Variants in DESI1 observed in about 807,000 individuals in gnomAD.
DESI1 encodes PPPDE peptidase domain containing 2.
A neutral mutation model predicts 22.4 loss-of-function variants in DESI1; 17 were observed. The observed-to-expected ratio is 0.76, with a 90% confidence interval of 0.52 to 1.14. The LOEUF (loss-of-function observed/expected upper bound fraction) is 1.14. DESI1 is among the 50% of genes most tolerant of loss of function. The pLI, the probability that DESI1 is intolerant of heterozygous loss-of-function variation, is 0.00. For missense variants in DESI1, 177 were observed against 208.9 expected (o/e 0.85, Z 0.94); for synonymous variants, 92 against 84.2 (o/e 1.09, Z -0.51).
intron 1 of DESI1, among the ~76,000 whole-genome samples, chr22:41,616,939 T>C (rs2067554780): frequency 6.6e-6 from 1 of 152,184 alleles, no homozygotes; most frequent in Non-Finnish European, 1.5e-5. Flanking sequence ...AGAACTGACA[T>C]AACTGAAGCC....
intron 1 of DESI1, among the ~76,000 whole-genome samples, chr22:41,619,388 C>T (rs1449858413): frequency 1.3e-5 from 2 of 152,124 alleles, no homozygotes; most frequent in African/African-American, 2.4e-5. Context: ...AGGTAAGAAA[C>T]AGTTTACAGC....
chr22:41,602,854 A>C, intron 5 of DESI1: 1 of 1,034,452 alleles, frequency 9.7e-7, no homozygotes, highest in Non-Finnish European at 1.2e-6. Context: ...AGTGTAAGGC[A>C]AATCAACAGC....
Position 41,604,104 on chromosome 22 carries a change from G to A in DESI1, c.230C>T (p.Thr77Ile). ...CAGAAAGATTTCTTCTGTGACTTCT[G>A]TACTCCCCACATCAACCACAGAGTC... ...PPDSVVDVGS[T>I]EVTEEIFLEY... The change falls in exon 4 of 6, where the codon ACA (threonine) becomes ATA (isoleucine). Residue 77 changes from threonine to isoleucine, a missense_variant. Thr to Ile is a moderately conservative substitution (Grantham distance 89). Coordinates refer to ENST00000263256, the MANE Select transcript of DESI1 (RefSeq NM_015704.3). The A allele has an allele frequency of 6.2e-7, 1 of 1,613,914 alleles. No homozygotes were observed.
intron 1 of DESI1, among the ~76,000 whole-genome samples, chr22:41,620,441 G>A (rs1265218646): frequency 6.6e-6 from 1 of 152,120 alleles, no homozygotes; most frequent in Non-Finnish European, 1.5e-5. Context: ...GGGATCCAGC[G>A]CTGGTTTACC....
intron 3 of DESI1, among the ~76,000 whole-genome samples, chr22:41,606,773 CAAAAAAAAAAAAAA>C (rs67262006): frequency 1.9e-4 from 12 of 62,728 alleles, no homozygotes; most frequent in Non-Finnish European, 2.6e-4. Context: ...GACTCCATCT[CAAAAAAAAAAAAAA>C]AAAAAAAAAA....
At chr22:41,615,381 C>T (rs560955535) in intron 1 of DESI1, among the ~76,000 whole-genome samples, 10 of 150,776 alleles carry the variant, frequency 6.6e-5, no homozygotes, top group South Asian at 2.1e-4. Context: ...GGGAGGCACG[C>T]GCCACTGCAC....
chr22:41,609,948 T>C (rs780678456), intron 1 of DESI1, among the ~76,000 whole-genome samples: 4 of 148,940 alleles, frequency 2.7e-5, no homozygotes, highest in African/African-American at 5.0e-5. Context: ...GGCATGGTAG[T>C]GCATGCCTAT....
At chr22:41,607,427 T>A (rs1407266297) in intron 2 of DESI1, 96 bp from the exon 3 acceptor site, 5 of 1,245,986 alleles carry the variant, frequency 4.0e-6, no homozygotes, top group Non-Finnish European at 5.5e-6. Context: ...TGCCCAAGGA[T>A]AGGACTGTGG....
At chr22:41,615,380 G>A (rs1260955669) in intron 1 of DESI1, among the ~76,000 whole-genome samples, 4 of 150,120 alleles carry the variant, frequency 2.7e-5, no homozygotes, top group East Asian at 2.0e-4. Context: ...TGGGAGGCAC[G>A]CGCCACTGCA....
chr22:41,620,702 C>A, intron 1 of DESI1, 50 bp downstream of exon 1: 1 of 1,556,148 alleles, frequency 6.4e-7, no homozygotes, highest in Non-Finnish European at 8.7e-7. Context: ...CAGCCGCCAC[C>A]CTCTGGCCTG....
chr22:41,604,229 A>C, intron 3 of DESI1, 76 bp from the exon 4 acceptor site: 1 of 1,038,866 alleles, frequency 9.6e-7, no homozygotes. Context: ...CCCACAGTAG[A>C]CCACAAACAC....
At chr22:41,603,410 T>A in intron 4 of DESI1, 29 bp from the exon 5 acceptor site, 1 of 1,613,958 alleles carries the variant, frequency 6.2e-7, no homozygotes, top group Non-Finnish European at 8.5e-7. Context: ...GCAGAACATA[T>A]ATGAGAAACC....
rs951664204 is a variant in DESI1, at chr22:41,599,559, T to A, written c.*1538A>T. 4 of 152,108 alleles carry A rather than the reference T, an allele frequency of 2.6e-5. No individual in the cohort carries two copies. The highest frequency in any genetic ancestry group is 9.7e-5 in the African/African-American group (4 of 41,440). The allele number at this position is 152,108 out of a possible 1,614,324, so 9.4% of individuals were successfully genotyped here. Reference sequence around the variant, plus strand: ...AATTTTCTTGCCACCTTGATTCCACTTCATTATTTTATTTTTTTGAGATGG... The same window carrying A: ...AATTTTCTTGCCACCTTGATTCCACATCATTATTTTATTTTTTTGAGATGG... On this transcript the variant is annotated 3_prime_UTR_variant, in exon 6 of 6. Transcript: ENST00000263256.
intron 5 of DESI1, 32 bp from the exon 6 acceptor site, chr22:41,601,222 G>A (rs764669091): frequency 1.1e-5 from 17 of 1,574,196 alleles, no homozygotes; most frequent in Non-Finnish European, 1.4e-5. Flanking sequence ...AGAGGGGTGG[G>A]CTCTGGGATG....
Position 41,603,365 on chromosome 22 carries a change from GGTT to G in DESI1, c.304_306del (p.Asn102del). On this transcript the variant is annotated inframe_deletion, in exon 5 of 6. Coordinates refer to ENST00000263256, the MANE Select transcript of DESI1 (RefSeq NM_015704.3). ...AAGGTGTTACAATTGTGTTCAAAGA[GGTT>G]GTAGGCCTCACCTCTGTACATTGAA... is the stretch of plus-strand genomic sequence containing the variant. 6.2e-7 allele frequency: 1 copy of G among 1,614,194 alleles called. No individual in the cohort carries two copies. The highest frequency in any genetic ancestry group is 1.1e-5 in the South Asian group (1 of 91,078).
intron 1 of DESI1, among the ~76,000 whole-genome samples, chr22:41,615,985 G>T (rs1051687110): frequency 1.8e-4 from 28 of 152,214 alleles, no homozygotes; most frequent in Non-Finnish European, 5.9e-5. Context: ...TGGGAGGGGG[G>T]TTTGTTCAGC....
intron 1 of DESI1, among the ~76,000 whole-genome samples, chr22:41,620,338 G>A (rs1312471460): frequency 6.6e-6 from 1 of 152,074 alleles, no homozygotes; most frequent in Non-Finnish European, 1.5e-5. Context: ...GTCACCACGA[G>A]GGGCACCGCG....
At chr22:41,611,596 T>C (rs1010508338) in intron 1 of DESI1, among the ~76,000 whole-genome samples, 10 of 145,600 alleles carry the variant, frequency 6.9e-5, no homozygotes, top group African/African-American at 2.5e-4. Context: ...TCCTTCTTTT[T>C]TTTTTTTTTT....
intron 4 of DESI1, 115 bp downstream of exon 4, chr22:41,603,929 T>C (rs1030103134): frequency 1.2e-6 from 1 of 861,024 alleles, no homozygotes; most frequent in South Asian, 1.9e-5. Context: ...AGCAAAAAAC[T>C]GGGCCAGGCC....
Sources: allele counts gnomAD v4.1 joint callset (sites outside exome capture counted in the v4.1 genomes callset), GRCh38; gene constraint gnomAD v4.1.1; transcripts MANE v1.5; gene names NCBI Gene and HGNC (gene_info 2026-07-23, HGNC 2026-07-21).